KIR2DL4: variants seen among roughly 807,000 people sequenced by gnomAD.
KIR2DL4 encodes the protein killer cell immunoglobulin like receptor, two Ig domains and long cytoplasmic tail 4.
Under a neutral mutation model 31.0 loss-of-function variants are expected in KIR2DL4, and 41 were observed. That is an observed-to-expected ratio of 1.32 (90% confidence interval 1.03 to 1.72). KIR2DL4 has a LOEUF of 1.72. Among genes scored for constraint, KIR2DL4 ranks in the 40% most tolerant of loss-of-function variants. The pLI is 0.00. For synonymous variants in KIR2DL4, 164 were observed against 133.6 expected (o/e 1.23, Z -1.57); for missense variants, 438 against 353.7 (o/e 1.24, Z -1.91).
At chr19:54,807,778 G>A (rs2147920116) in intron 4 of KIR2DL4, among the ~76,000 whole-genome samples, 1 of 148,692 alleles carries the variant, frequency 6.7e-6, no homozygotes, top group African/African-American at 2.5e-5. Context: ...CTTCTCCTCT[G>A]TAATGGCTGT....
rs56184317 is a variant in KIR2DL4 at position 54,813,863 on chromosome 19, C to G, written c.*63C>G. On this transcript the variant is annotated 3_prime_UTR_variant, in exon 8 of 8. Transcript: ENST00000359085. Reference sequence around the variant, plus strand: ...CCAGGACTCTGATGAACAAGACCCTCAGGAGGTGACATACGCACAGTTGGA... The same window carrying G: ...CCAGGACTCTGATGAACAAGACCCTGAGGAGGTGACATACGCACAGTTGGA... The G allele has an allele frequency of 3.0e-3, 4,846 of 1,612,406 alleles. 241 individuals carry two copies. The African/African-American group carries it at 0.049, about 16-fold the overall frequency.
chr19:54,813,435 C>T (rs2060998020), intron 6 of KIR2DL4: 2 of 773,262 alleles, frequency 2.6e-6, no homozygotes, highest in African/African-American at 1.8e-5. Context: ...ATCCTCACGT[C>T]CCCTGCAGCC....
At chr19:54,803,627 G>A (rs1333150948) in exon 1 of KIR2DL4, 1 of 1,612,054 alleles carries the variant, frequency 6.2e-7, no homozygotes, top group African/African-American at 1.3e-5. Flanking sequence ...CCGAGTCACT[G>A]CGTCCTGGCA....
intron 6 of KIR2DL4, chr19:54,813,295 G>A: frequency 6.3e-7 from 1 of 1,592,690 alleles, no homozygotes; most frequent in Non-Finnish European, 8.5e-7. Flanking sequence ...GGAGCACGCA[G>A]GTGTGTGTTC....
chr19:54,807,679 C>T (rs2060608771), intron 4 of KIR2DL4, among the ~76,000 whole-genome samples: 1 of 149,652 alleles, frequency 6.7e-6, no homozygotes, highest in Admixed American at 6.6e-5. Flanking sequence ...CTCCAGTGAT[C>T]TGCCCACTTC....
At chr19:54,805,840 G>A in intron 3 of KIR2DL4, 111 bp from the exon 4 acceptor site, 2 of 1,044,422 alleles carry the variant, frequency 1.9e-6, no homozygotes, top group Non-Finnish European at 2.8e-6. Context: ...GGGTGAGAGA[G>A]AGAGAGAGAG....
chr19:54,808,730 C>A, intron 4 of KIR2DL4, 103 bp from the exon 5 acceptor site: 1 of 885,668 alleles, frequency 1.1e-6, no homozygotes, highest in Non-Finnish European at 1.9e-6. Flanking sequence ...CAGGGCCCAA[C>A]ATTAGATAAT....
At position 54,803,744 on chromosome 19, in the gene KIR2DL4, G is replaced by T. The variant is rs1006184257; in HGVS notation, c.40+53G>T. 1.9e-6 allele frequency: 3 copies of T among 1,590,192 alleles called. No individual in the cohort carries two copies. In the African/African-American group the frequency reaches 4.1e-5, roughly 22 times the overall value. The stretch of plus-strand genomic sequence containing the variant: ...GGGTTACACTATGGGCCTGCAGATT[G>T]GGTGTCTCCCCAGCAGAGAGCCATG... On this transcript the variant is annotated intron_variant, in intron 1 of 7. Transcript: ENST00000359085.
At chr19:54,808,775 C>T (rs1267911484) in intron 4 of KIR2DL4, 58 bp from the exon 5 acceptor site, 5 of 1,248,086 alleles carry the variant, frequency 4.0e-6, no homozygotes, top group Non-Finnish European at 5.8e-6. Context: ...CAAAGATTTC[C>T]ATTGAGTAGA....
chr19:54,812,104 TC>T (rs1432103269), intron 5 of KIR2DL4, among the ~76,000 whole-genome samples: 1 of 151,202 alleles, frequency 6.6e-6, no homozygotes, highest in Non-Finnish European at 1.5e-5. Context: ...AGTCCAGTCT[TC>T]CCAGAGAAGA....
Position 54,805,999 on chromosome 19 carries a change from G to A in KIR2DL4, c.410G>A (p.Arg137His), listed in dbSNP as rs537400112. 8.0e-5 allele frequency: 129 copies of A among 1,610,274 alleles called. 1 individual carries two copies. Among genetic ancestry groups the A allele is most frequent in the Admixed American group, 2.2e-4 (13 of 59,744 alleles). Reference sequence around the variant, plus strand: ...ACAGCCCGGCCGGGCCCCACGGTTCGCGCAGGAGAGAACGTGACCTTGTCC... The same window carrying A: ...ACAGCCCGGCCGGGCCCCACGGTTCACGCAGGAGAGAACGTGACCTTGTCC... Residue 137 changes from arginine to histidine, a missense_variant, in exon 4 of 8, where the codon CGC becomes CAC. Transcript: ENST00000359085.
intron 5 of KIR2DL4, among the ~76,000 whole-genome samples, chr19:54,810,080 A>G (rs1407975068): frequency 2.7e-5 from 4 of 149,500 alleles, no homozygotes; most frequent in Non-Finnish European, 5.9e-5. Context: ...CAATAAATGA[A>G]TGATCCATTG....
intron 4 of KIR2DL4, among the ~76,000 whole-genome samples, chr19:54,807,562 C>T (rs1321825515): frequency 4.7e-5 from 7 of 150,066 alleles, no homozygotes; most frequent in African/African-American, 1.0e-4. Flanking sequence ...CTCAGCCTCC[C>T]GAGTAGTTGG....
chr19:54,814,401 C>T (rs1165746597), exon 8 of KIR2DL4: 8 of 435,800 alleles, frequency 1.8e-5, no homozygotes, highest in East Asian at 9.7e-5. Context: ...CACCTTCCCT[C>T]GTGCTGTTCC....
In KIR2DL4 at chr19:54,806,245, G is replaced by C; in HGVS notation, c.655+1G>C. ...GACCCACTGCCTGTTTCTGTCACAGGTGAGGAAAGCCAATGTCTGTCCCAT... is the reference window on the plus strand; with the variant it reads ...GACCCACTGCCTGTTTCTGTCACAGCTGAGGAAAGCCAATGTCTGTCCCAT... On this transcript the variant is annotated splice_donor_variant, in intron 4 of 7. Transcript: ENST00000359085. LOFTEE classifies it high-confidence loss of function. The C allele has an allele frequency of 1.2e-6, 2 of 1,609,158 alleles. No homozygotes were observed. Among genetic ancestry groups the C allele is most frequent in the Non-Finnish European group, 1.7e-6 (2 of 1,178,316 alleles).
exon 8 of KIR2DL4, chr19:54,813,875 T>C (rs1460484451): frequency 1.2e-6 from 2 of 1,612,280 alleles, no homozygotes; most frequent in Non-Finnish European, 1.7e-6. Context: ...GGAGGTGACA[T>C]ACGCACAGTT....
intron 5 of KIR2DL4, among the ~76,000 whole-genome samples, chr19:54,809,189 T>G (rs2060709528): frequency 1.3e-5 from 2 of 150,826 alleles, no homozygotes; most frequent in Non-Finnish European, 2.9e-5. Context: ...GACAAATGCC[T>G]GGGGGCTTGA....
At chr19:54,804,044 G>A in intron 2 of KIR2DL4, 118 bp downstream of exon 2, 1 of 807,506 alleles carries the variant, frequency 1.2e-6, no homozygotes. Context: ...GGAAGGCCTG[G>A]GGGGAGTCTC....
At chr19:54,812,423 C>A (rs1322150592) in intron 5 of KIR2DL4, among the ~76,000 whole-genome samples, 1 of 151,306 alleles carries the variant, frequency 6.6e-6, no homozygotes, top group Non-Finnish European at 1.5e-5. Flanking sequence ...ATGATGTTCT[C>A]CTCCAGGAAG....
Sources: gnomAD v4.1 joint callset for allele counts (sites outside exome capture counted in the v4.1 genomes callset) on GRCh38, gnomAD v4.1.1 for gene constraint, MANE v1.5 for transcripts, NCBI Gene and HGNC (gene_info 2026-07-23, HGNC 2026-07-21) for gene names.